ZMPSTE24: variants seen among roughly 807,000 people sequenced by gnomAD.
The protein encoded by ZMPSTE24 is CAAX prenyl protease 1 homolog.
ZMPSTE24 carries 48 observed loss-of-function variants against 56.7 expected under a neutral mutation model. The observed-to-expected ratio is 0.85, with a 90% confidence interval of 0.67 to 1.08. The LOEUF (loss-of-function observed/expected upper bound fraction) is 1.08. ZMPSTE24 is among the 50% of genes least tolerant of loss of function. The pLI is 0.00. For synonymous variants in ZMPSTE24, 172 were observed against 195.2 expected (o/e 0.88, Z 0.99); for missense variants, 503 against 548.7 (o/e 0.92, Z 0.83).
rs373944901 is a variant in ZMPSTE24 at position 40,292,594 on chromosome 1, G to A, written c.1353G>A (p.Leu451=). ...TGGGATTCCCTGTTTCTGACTGGTT[G>A]TTCTCAATGTGGCATTATTCTCATC... is the stretch of plus-strand genomic sequence containing the variant. ...DNLGFPVSDW[L]FSMWHYSHPP... Residue 451 remains leucine, a synonymous_variant, in exon 10 of 10, where the codon TTG becomes TTA. Coordinates refer to ENST00000372759, the MANE Select transcript of ZMPSTE24 (RefSeq NM_005857.5). The A allele has an allele frequency of 3.7e-6, 6 of 1,613,982 alleles. No homozygotes were observed. In the African/African-American group the frequency reaches 6.7e-5, roughly 18 times the overall value.
Position 40,281,442 on chromosome 1 carries a change from T to G in ZMPSTE24, c.869T>G (p.Leu290Arg), listed in dbSNP as rs749004762. 9.9e-6 allele frequency: 16 copies of G among 1,614,016 alleles called. No individual in the cohort carries two copies. In the Admixed American group the frequency reaches 2.3e-4, roughly 24 times the overall value. ...FDTLLEEYSVLNKDIQEDSGM... is the reference protein window; with the variant it reads ...FDTLLEEYSVRNKDIQEDSGM... ...ACTCTACTAGAAGAGTACTCTGTACTAAACAAAGACATCCAGGAGGATTCT... is the reference window on the plus strand; with the variant it reads ...ACTCTACTAGAAGAGTACTCTGTACGAAACAAAGACATCCAGGAGGATTCT... The change falls in exon 7 of 10, where the codon CTA (leucine) becomes CGA (arginine). Residue 290 changes from leucine (L) to arginine (R), a missense_variant. Physicochemically the swap from Leu to Arg is moderately radical, Grantham distance 102. Transcript: ENST00000372759.
chr1:40,290,387 A>G (rs1643828549), intron 8 of ZMPSTE24, among the ~76,000 whole-genome samples: 1 of 150,960 alleles, frequency 6.6e-6, no homozygotes, highest in African/African-American at 2.4e-5. Flanking sequence ...CTGTCTCAAA[A>G]AAAGCTACTT....
intron 7 of ZMPSTE24, among the ~76,000 whole-genome samples, chr1:40,285,096 A>T (rs199704274): frequency 1.6e-4 from 8 of 49,168 alleles, no homozygotes; most frequent in Admixed American, 8.5e-4. Context: ...TGGCTAATTT[A>T]TTATTATTAT....
intron 6 of ZMPSTE24, among the ~76,000 whole-genome samples, chr1:40,272,284 T>TG (rs1225560146): frequency 6.6e-6 from 1 of 152,242 alleles, no homozygotes; most frequent in Non-Finnish European, 1.5e-5. Flanking sequence ...TGTTTGGTTT[T>TG]ACAGTATTGT....
intron 3 of ZMPSTE24, 40 bp from the exon 4 acceptor site, chr1:40,268,379 A>G (rs374814961): frequency 2.9e-4 from 378 of 1,310,948 alleles, no homozygotes; most frequent in Admixed American, 7.1e-4. Context: ...GTTTGCCAGT[A>G]GTTCATAAAA....
intron 6 of ZMPSTE24, among the ~76,000 whole-genome samples, chr1:40,280,118 A>G (rs1479796951): frequency 6.6e-6 from 1 of 151,802 alleles, no homozygotes; most frequent in African/African-American, 2.4e-5. Flanking sequence ...TCACCTTTCC[A>G]GTTTGCTTCA....
At position 40,271,986 on chromosome 1, in the gene ZMPSTE24, A is replaced by C; in HGVS notation, c.720A>C (p.Val240=). 6.2e-7 allele frequency: 1 copy of C among 1,613,372 alleles called. No individual in the cohort carries two copies. ...GAAAGCTTAAAGAAGAAATTGAAGT[A>C]ATGGCAAAGAGTATTGACTTTCCTT... The part of the protein sequence containing the change: ...PEGKLKEEIE[V]MAKSIDFPLT... The change falls in exon 6 of 10, where the codon GTA becomes GTC. Residue 240 remains valine (V), a synonymous_variant. Coordinates refer to ENST00000372759, the MANE Select transcript of ZMPSTE24 (RefSeq NM_005857.5).
chr1:40,261,115 G>A (rs574513818), intron 2 of ZMPSTE24, 130 bp downstream of exon 2: 85 of 1,145,882 alleles, frequency 7.4e-5, no homozygotes, highest in Admixed American at 1.6e-4. Context: ...TGATAGTAAC[G>A]GCTGTGGAGC....
chr1:40,262,928 T>G, intron 2 of ZMPSTE24: 2 of 1,039,306 alleles, frequency 1.9e-6, no homozygotes, highest in Non-Finnish European at 1.2e-6. Flanking sequence ...CCATATTTTC[T>G]TCATCTCTGA....
intron 7 of ZMPSTE24, among the ~76,000 whole-genome samples, chr1:40,283,780 A>G (rs1015018129): frequency 3.3e-5 from 5 of 151,888 alleles, no homozygotes; most frequent in African/African-American, 7.3e-5. Context: ...TCCATTTTTT[A>G]AATTCTGTGT....
At chr1:40,282,558 G>C (rs938926810) in intron 7 of ZMPSTE24, among the ~76,000 whole-genome samples, 22 of 152,118 alleles carry the variant, frequency 1.4e-4, no homozygotes, top group Admixed American at 1.2e-3. Flanking sequence ...TTTCCAGGCT[G>C]GTCGAACTGC....
chr1:40,290,652 CG>C, intron 8 of ZMPSTE24: 1 of 464,930 alleles, frequency 2.2e-6, no homozygotes, highest in Admixed American at 3.5e-5. Flanking sequence ...TTAGTAGAGA[CG>C]GGGTTTCACC....
chr1:40,267,228 T>A (rs894694856), intron 2 of ZMPSTE24, among the ~76,000 whole-genome samples: 2 of 152,170 alleles, frequency 1.3e-5, no homozygotes, highest in Non-Finnish European at 2.9e-5. Flanking sequence ...AAAAATGTTA[T>A]ATTAACCACC....
In ZMPSTE24 at chr1:40,269,976, C is replaced by T. The variant is rs2124582081; in HGVS notation, c.476C>T (p.Thr159Ile). ...IEEKHGFNQQ[T>I]LGFFMKDAIK... is the part of the protein sequence containing the mutation. ...TGTGGTAATGTTTTCTTTTTGCAGA[C>T]TTTGGGGTTCTTCATGAAAGATGCA... is the stretch of plus-strand genomic sequence containing the variant. Residue 159 changes from threonine to isoleucine, a missense_variant and splice_region_variant, in exon 5 of 10, where the codon ACT (threonine) becomes ATT (isoleucine). By Grantham distance (89) the Thr-to-Ile change is moderately conservative (BLOSUM62 -1). Coordinates refer to ENST00000372759, the MANE Select transcript of ZMPSTE24 (RefSeq NM_005857.5). 6.2e-7 allele frequency: 1 copy of T among 1,612,094 alleles called. No individual in the cohort carries two copies. The highest frequency in any genetic ancestry group is 1.3e-5 in the African/African-American group (1 of 74,920).
intron 2 of ZMPSTE24, among the ~76,000 whole-genome samples, chr1:40,264,060 G>A (rs1435237496): frequency 1.3e-5 from 2 of 152,124 alleles, no homozygotes; most frequent in Non-Finnish European, 2.9e-5. Flanking sequence ...GGCTGGGTAC[G>A]GTGGCTCACG....
At chr1:40,259,027 G>A (rs1643468850) in intron 1 of ZMPSTE24, among the ~76,000 whole-genome samples, 3 of 151,978 alleles carry the variant, frequency 2.0e-5, no homozygotes, top group Non-Finnish European at 2.9e-5. Flanking sequence ...GTGTGGTGGC[G>A]CGCACCTGTA....
intron 9 of ZMPSTE24, 32 bp from the exon 10 acceptor site, chr1:40,292,413 A>T: frequency 6.2e-7 from 1 of 1,600,994 alleles, no homozygotes; most frequent in Non-Finnish European, 8.5e-7. Context: ...AGAGGTGGGC[A>T]GTGGCTAAAA....
At chr1:40,278,405 A>C (rs561957408) in intron 6 of ZMPSTE24, among the ~76,000 whole-genome samples, 1 of 151,658 alleles carries the variant, frequency 6.6e-6, no homozygotes, top group South Asian at 2.1e-4. Context: ...AAAAATACAA[A>C]AAATTAGCCG....
chr1:40,293,290 A>G lies in ZMPSTE24; in HGVS notation c.*621A>G, dbSNP rs910685120. 1.3e-5 allele frequency: 2 copies of G among 152,242 alleles called. No homozygotes were observed. The highest frequency in any genetic ancestry group is 4.8e-5 in the African/African-American group (2 of 41,454). The allele number at this position is 152,242 out of a possible 1,614,324, so 9.4% of individuals were successfully genotyped here. A position where few individuals can be genotyped will look rare whatever the true frequency, so the allele number is the denominator to read the frequency against. On this transcript the variant is annotated 3_prime_UTR_variant, in exon 10 of 10. Transcript: ENST00000372759. ...GTTTCTCATAGTGCTTTGAAGTTAG[A>G]AATTATGTATAGGATATTTTAAATC...
Sources: gnomAD v4.1 joint callset for allele counts (sites outside exome capture counted in the v4.1 genomes callset) on GRCh38, gnomAD v4.1.1 for gene constraint, MANE v1.5 for transcripts, NCBI Gene and HGNC (gene_info 2026-07-23, HGNC 2026-07-21) for gene names.